The following GRID1 variants were observed in gnomAD, a reference collection of about 807,000 sequenced individuals.
GRID1 encodes glutamate ionotropic receptor delta type subunit 1.
A neutral mutation model predicts 98.0 loss-of-function variants in GRID1; 28 were observed. The ratio of observed to expected loss-of-function variants is 0.29; its 90% CI spans 0.21 to 0.39. The LOEUF is 0.39. GRID1 is among the 10% of genes least tolerant of loss of function. The pLI, the probability that GRID1 is intolerant of heterozygous loss-of-function variation, is 1.00. For missense variants in GRID1, 1,111 were observed against 1,340.5 expected (o/e 0.83, Z 2.67); for synonymous variants, 553 against 538.5 (o/e 1.03, Z -0.37).
At chr10:85,860,181 G>C (rs1238417348) in intron 6 of GRID1, among the ~76,000 whole-genome samples, 1 of 152,162 alleles carries the variant, frequency 6.6e-6, no homozygotes, top group East Asian at 1.9e-4. Flanking sequence ...TCATATTGTA[G>C]GTTATGCACA....
intron 12 of GRID1, among the ~76,000 whole-genome samples, chr10:85,719,897 T>C (rs769034709): frequency 4.1e-4 from 63 of 152,254 alleles, no homozygotes; most frequent in Non-Finnish European, 7.8e-4. Flanking sequence ...AGACAAAGAC[T>C]TAACATCAAA....
At chr10:85,605,810 G>A (rs1842652936) in intron 15 of GRID1, 1 of 152,220 alleles carries the variant, frequency 6.6e-6, no homozygotes. Context: ...GTAGGAGGTT[G>A]GAAGTAAGGG....
At chr10:85,714,831 T>C (rs749242384) in intron 12 of GRID1, among the ~76,000 whole-genome samples, 5 of 152,016 alleles carry the variant, frequency 3.3e-5, no homozygotes, top group African/African-American at 4.8e-5. Context: ...AAGTGATCTA[T>C]AGATTTGGTA....
intron 2 of GRID1, among the ~76,000 whole-genome samples, chr10:86,235,883 C>T (rs1472294976): frequency 1.3e-5 from 2 of 152,220 alleles, no homozygotes; most frequent in African/African-American, 4.8e-5. Context: ...TAGACATATG[C>T]TTCCTTTTCT....
At chr10:86,304,548 T>C (rs1397580297) in intron 2 of GRID1, among the ~76,000 whole-genome samples, 1 of 152,160 alleles carries the variant, frequency 6.6e-6, no homozygotes, top group Non-Finnish European at 1.5e-5. Flanking sequence ...ACAGAAGGCA[T>C]GGCAGATTTC....
chr10:86,253,015 G>A (rs1846861721), intron 2 of GRID1, among the ~76,000 whole-genome samples: 1 of 152,174 alleles, frequency 6.6e-6, no homozygotes, highest in Admixed American at 6.5e-5. Flanking sequence ...ATGGAAAATG[G>A]CATTACTCAT....
chr10:85,831,683 T>C (rs1842868597), intron 8 of GRID1, among the ~76,000 whole-genome samples: 1 of 152,068 alleles, frequency 6.6e-6, no homozygotes, highest in Non-Finnish European at 1.5e-5. Flanking sequence ...ACTTCTATGC[T>C]TGGAAAATAA....
chr10:85,684,281 A>G (rs1442948454), intron 12 of GRID1, among the ~76,000 whole-genome samples: 1 of 152,248 alleles, frequency 6.6e-6, no homozygotes, highest in Non-Finnish European at 1.5e-5. Context: ...CATAACTTTC[A>G]TAACAAAATC....
chr10:85,890,792 G>T (rs766195678), intron 5 of GRID1, among the ~76,000 whole-genome samples: 1 of 151,914 alleles, frequency 6.6e-6, no homozygotes, highest in South Asian at 2.1e-4. Flanking sequence ...AAGAGAGAAA[G>T]AAAAAGGGAG....
At chr10:85,626,518 G>A (rs1274596901) in intron 13 of GRID1, among the ~76,000 whole-genome samples, 1 of 152,186 alleles carries the variant, frequency 6.6e-6, no homozygotes, top group Non-Finnish European at 1.5e-5. Flanking sequence ...TGGAAGAAGG[G>A]AGGACATGGG....
At chr10:86,116,889 G>T (rs1489216770) in intron 4 of GRID1, among the ~76,000 whole-genome samples, 7 of 152,082 alleles carry the variant, frequency 4.6e-5, no homozygotes, top group African/African-American at 7.2e-5. Context: ...AGGCAGAGGT[G>T]GCCCAAAGAA....
intron 13 of GRID1, among the ~76,000 whole-genome samples, chr10:85,624,255 T>C (rs566702784): frequency 1.1e-4 from 16 of 152,208 alleles, no homozygotes; most frequent in Non-Finnish European, 2.4e-4. Context: ...AACACTGTAT[T>C]TCACCTTTCA....
chr10:85,894,499 T>C (rs1589290482), intron 5 of GRID1, among the ~76,000 whole-genome samples: 1 of 152,258 alleles, frequency 6.6e-6, no homozygotes, highest in East Asian at 1.9e-4. Flanking sequence ...GTAGAAATTA[T>C]ATGGGGCAGG....
rs80097185 is a variant in GRID1, at chr10:86,246,236, G to A, written c.236-39588C>T. Among the ~76,000 whole-genome samples, 509 of 152,310 alleles carry A rather than the reference G, an allele frequency of 3.3e-3. 1 individual carries two copies. Among genetic ancestry groups the A allele is most frequent in the African/African-American group, 0.011 (441 of 41,582 alleles). The stretch of plus-strand genomic sequence containing the variant: ...TGCTCTCCCCTCAGCTGCACTCACC[G>A]GCCCTGCCACTCCCTGACCCCACTA... On this transcript the variant is annotated intron_variant, in intron 2 of 15. Coordinates refer to ENST00000327946, the MANE Select transcript of GRID1 (RefSeq NM_017551.3).
intron 2 of GRID1, among the ~76,000 whole-genome samples, chr10:86,207,302 G>A (rs1462995636): frequency 2.0e-5 from 3 of 152,180 alleles, no homozygotes; most frequent in Non-Finnish European, 4.4e-5. Flanking sequence ...AGTTGTTCCA[G>A]AAGGATTATT....
At chr10:85,604,104 C>T (rs867637119) in intron 15 of GRID1, among the ~76,000 whole-genome samples, 3 of 152,164 alleles carry the variant, frequency 2.0e-5, no homozygotes, top group Admixed American at 1.3e-4. Flanking sequence ...CTAACCCCCA[C>T]AAAGGGTCAA....
At position 86,206,730 on chromosome 10, in the gene GRID1, G is replaced by A; in HGVS notation, c.236-82C>T. 1 of 1,331,390 alleles carries A rather than the reference G, an allele frequency of 7.5e-7. No individual in the cohort carries two copies. Among genetic ancestry groups the A allele is most frequent in the Non-Finnish European group, 1.0e-6 (1 of 963,972 alleles). 82.5% of individuals were successfully genotyped at this position (1,331,390 alleles called of 1,614,324 possible). ...CTTCAACCTGCAGGCCCCATGCCTGGCAGCTCATGCCCAGGACTCCCAAGA... is the reference window on the plus strand; with the variant it reads ...CTTCAACCTGCAGGCCCCATGCCTGACAGCTCATGCCCAGGACTCCCAAGA... On this transcript the variant is annotated intron_variant, in intron 2 of 15. Coordinates refer to ENST00000327946, the MANE Select transcript of GRID1 (RefSeq NM_017551.3). The surrounding 1 kb of genome is among the most constrained non-coding windows in gnomAD (Gnocchi z 4.1).
chr10:86,120,157 C>T (rs1394439783), intron 4 of GRID1, among the ~76,000 whole-genome samples: 9 of 152,120 alleles, frequency 5.9e-5, no homozygotes, highest in Non-Finnish European at 1.0e-4. Flanking sequence ...GAGTCCTTCC[C>T]AGCCTGGCCT....
At chr10:85,719,121 T>C (rs1841672157) in intron 12 of GRID1, among the ~76,000 whole-genome samples, 1 of 152,210 alleles carries the variant, frequency 6.6e-6, no homozygotes, top group South Asian at 2.1e-4. Context: ...AAGAGTCACC[T>C]TTGCTCCAGT....
Sources: allele counts gnomAD v4.1 joint callset (sites outside exome capture counted in the v4.1 genomes callset), GRCh38; gene constraint gnomAD v4.1.1; non-coding constraint Gnocchi (gnomAD v3.1); transcripts MANE v1.5; gene names NCBI Gene and HGNC (gene_info 2026-07-23, HGNC 2026-07-21).